Variants in NELL1 observed in about 807,000 individuals in gnomAD.
NELL1 encodes protein kinase C-binding protein NELL1.
NELL1 carries 76 observed loss-of-function variants against 107.4 expected under a neutral mutation model. The ratio of observed to expected loss-of-function variants is 0.71; its 90% CI spans 0.59 to 0.86. NELL1 has a LOEUF of 0.86. NELL1 is among the 40% of genes least tolerant of loss of function. The probability of loss-of-function intolerance (pLI) is 0.00; values close to 1 mark genes in which losing one functional copy is unlikely to be tolerated. For missense variants in NELL1, 1,024 were observed against 1,005.5 expected (o/e 1.02, Z -0.25); for synonymous variants, 353 against 341.2 (o/e 1.03, Z -0.38).
chr11:21,417,093 C>A (rs1852536834), intron 15 of NELL1, among the ~76,000 whole-genome samples: 1 of 152,110 alleles, frequency 6.6e-6, no homozygotes, highest in Admixed American at 6.6e-5. Flanking sequence ...ATAATATATA[C>A]TATTAAATGT....
Position 20,804,196 on chromosome 11 carries a change from A to T in NELL1, c.335+20366A>T, listed in dbSNP as rs1280068685. On this transcript the variant is annotated intron_variant, in intron 3 of 19. Coordinates refer to ENST00000357134, the MANE Select transcript of NELL1 (RefSeq NM_006157.5). ...GTAGGTTTTGGTATGCTGTGTGTCC[A>T]TTATCATTTGTTTCAAAAATTTTTT... Among the ~76,000 whole-genome samples, 3 of 151,948 alleles carry T rather than the reference A, an allele frequency of 2.0e-5. No homozygotes were observed. In the East Asian group the frequency reaches 5.8e-4, roughly 29 times the overall value.
intron 5 of NELL1, among the ~76,000 whole-genome samples, chr11:20,917,685 A>T (rs1211768900): frequency 1.3e-5 from 2 of 151,942 alleles, no homozygotes; most frequent in African/African-American, 4.8e-5. Flanking sequence ...TACTCTTAAG[A>T]CTCATCAACA....
At chr11:21,319,565 C>T (rs1158998854) in intron 14 of NELL1, among the ~76,000 whole-genome samples, 3 of 150,330 alleles carry the variant, frequency 2.0e-5, no homozygotes, top group African/African-American at 7.4e-5. Context: ...TGGTCTTGAA[C>T]TCCTGGACTC....
At chr11:20,715,161 C>T (rs573479898) in intron 2 of NELL1, among the ~76,000 whole-genome samples, 5 of 151,910 alleles carry the variant, frequency 3.3e-5, no homozygotes, top group South Asian at 2.1e-4. Flanking sequence ...AGGAGAATGG[C>T]GTGAACCCAG....
intron 14 of NELL1, among the ~76,000 whole-genome samples, chr11:21,365,256 C>T (rs1851193419): frequency 6.6e-6 from 1 of 152,114 alleles, no homozygotes; most frequent in African/African-American, 2.4e-5. Flanking sequence ...GTAGACTTCC[C>T]AACACCCAGT....
intron 15 of NELL1, among the ~76,000 whole-genome samples, chr11:21,383,267 T>C (rs541463366): frequency 0.01 from 904 of 89,198 alleles, 4 homozygotes; most frequent in South Asian, 0.04. Flanking sequence ...ATAAGCAGTA[T>C]TCGGTTTTTT....
At chr11:20,896,562 A>G (rs1849742713) in intron 5 of NELL1, among the ~76,000 whole-genome samples, 1 of 152,148 alleles carries the variant, frequency 6.6e-6, no homozygotes, top group Non-Finnish European at 1.5e-5. Flanking sequence ...TGTTTTCCAT[A>G]GGGGTTAATA....
chr11:20,960,367 C>A, intron 11 of NELL1, 65 bp from the exon 12 acceptor site: 2 of 1,511,960 alleles, frequency 1.3e-6, no homozygotes, highest in Non-Finnish European at 1.8e-6. Context: ...ATGTTACATA[C>A]TTTATTTTGG....
chr11:21,062,231 CTT>C (rs1853759320), intron 12 of NELL1, among the ~76,000 whole-genome samples: 1 of 152,102 alleles, frequency 6.6e-6, no homozygotes, highest in Non-Finnish European at 1.5e-5. Flanking sequence ...TTGATTATAA[CTT>C]AGGCTAATAT....
Position 20,691,626 on chromosome 11 carries a change from G to A in NELL1, c.184+13566G>A, listed in dbSNP as rs1350441524. Among the ~76,000 whole-genome samples, 4 of 152,188 alleles carry A rather than the reference G, an allele frequency of 2.6e-5. No homozygotes were observed. In the East Asian group the frequency reaches 7.7e-4, roughly 29 times the overall value. On this transcript the variant is annotated intron_variant, in intron 2 of 19. Transcript: ENST00000357134. ...TATTGAACCAGCCTTGCATCCCAGGGATGAAGCCAACTTGATCATGGTGGA... is the reference window on the plus strand; with the variant it reads ...TATTGAACCAGCCTTGCATCCCAGGAATGAAGCCAACTTGATCATGGTGGA...
At chr11:21,101,083 T>G (rs941231663) in intron 12 of NELL1, among the ~76,000 whole-genome samples, 1 of 151,166 alleles carries the variant, frequency 6.6e-6, no homozygotes, top group African/African-American at 2.4e-5. Context: ...AGTGAGAATA[T>G]GCGGTGTTTG....
chr11:21,515,638 G>A (rs1855540952), intron 15 of NELL1, among the ~76,000 whole-genome samples: 1 of 152,106 alleles, frequency 6.6e-6, no homozygotes, highest in Non-Finnish European at 1.5e-5. Context: ...TGGAATGTGA[G>A]GATCAATAAA....
At chr11:21,484,638 G>A (rs191926719) in intron 15 of NELL1, among the ~76,000 whole-genome samples, 1 of 150,086 alleles carries the variant, frequency 6.7e-6, no homozygotes, top group Non-Finnish European at 1.5e-5. Flanking sequence ...ACATATATAT[G>A]TGTTATATAT....
At chr11:21,538,907 C>T (rs562577062) in intron 16 of NELL1, among the ~76,000 whole-genome samples, 248 of 152,268 alleles carry the variant, frequency 1.6e-3, no homozygotes, top group Non-Finnish European at 2.7e-3. Flanking sequence ...ATATACTTTG[C>T]ATGGATACTG....
At chr11:20,805,174 G>C (rs1300936432) in intron 3 of NELL1, among the ~76,000 whole-genome samples, 1 of 152,148 alleles carries the variant, frequency 6.6e-6, no homozygotes, top group Non-Finnish European at 1.5e-5. Flanking sequence ...TATAGGTGAA[G>C]TGTGTTTCTT....
intron 14 of NELL1, among the ~76,000 whole-genome samples, chr11:21,306,908 G>A (rs941997791): frequency 3.9e-5 from 6 of 152,150 alleles, no homozygotes; most frequent in Admixed American, 2.6e-4. Flanking sequence ...GCTAAGGTCA[G>A]CAGGCATAAA....
At chr11:21,223,283 T>C (rs1317424194) in intron 13 of NELL1, among the ~76,000 whole-genome samples, 1 of 152,186 alleles carries the variant, frequency 6.6e-6, no homozygotes, top group South Asian at 2.1e-4. Context: ...TTATATATAC[T>C]TGCTGAATTG....
chr11:21,498,569 C>T (rs1439532085), intron 15 of NELL1, among the ~76,000 whole-genome samples: 10 of 151,546 alleles, frequency 6.6e-5, no homozygotes. Context: ...TAGTGATCAA[C>T]GTTTAAATTG....
Position 21,197,351 on chromosome 11 carries a change from G to C in NELL1, c.1427-31981G>C, listed in dbSNP as rs149104787. ...ATTTGTAATCACTGTACTTTCTCTAGGGAGAACAAAATCTTGTTTCCTATG... is the reference window on the plus strand; with the variant it reads ...ATTTGTAATCACTGTACTTTCTCTACGGAGAACAAAATCTTGTTTCCTATG... On this transcript the variant is annotated intron_variant, in intron 13 of 19. Transcript: ENST00000357134. 2.6e-3 allele frequency among the ~76,000 whole-genome samples: 390 copies of C among 151,486 alleles called. 1 individual carries two copies. The highest frequency in any genetic ancestry group is 9.0e-3 in the African/African-American group (372 of 41,258).
Sources: allele counts gnomAD v4.1 joint callset (sites outside exome capture counted in the v4.1 genomes callset), GRCh38; gene constraint gnomAD v4.1.1; transcripts MANE v1.5; gene names NCBI Gene and HGNC (gene_info 2026-07-23, HGNC 2026-07-21).